Variants in P2RY8 observed in about 807,000 individuals in gnomAD.
P2RY8 encodes S-geranylgeranyl-glutathione receptor P2RY8.
In P2RY8, 6 loss-of-function variants were observed where a neutral mutation model predicts 10.0. That is an observed-to-expected ratio of 0.60 (90% CI 0.33 to 1.19). The LOEUF is 1.19. Among genes scored for constraint, P2RY8 ranks in the 50% most tolerant of loss-of-function variants. The probability of loss-of-function intolerance (pLI) is 0.04; values close to 1 mark genes in which losing one functional copy is unlikely to be tolerated. For missense variants in P2RY8, 456 were observed against 542.0 expected, an observed-to-expected ratio of 0.84 and a Z score of 1.58; for synonymous variants, 276 against 252.5, an observed-to-expected ratio of 1.09 and a Z score of -0.88.
At chrX:1,466,948 C>G (rs2091692090) in intron 1 of P2RY8, among the ~76,000 whole-genome samples, 1 of 134,626 alleles carries the variant, frequency 7.4e-6, no homozygotes, top group Admixed American at 7.6e-5. Flanking sequence ...AGACCTCGGC[C>G]CACGTCAGAG....
At chrX:1,488,857 G>C (rs759187670) in intron 1 of P2RY8, among the ~76,000 whole-genome samples, 1 of 152,136 alleles carries the variant, frequency 6.6e-6, no homozygotes, top group East Asian at 1.9e-4. Flanking sequence ...GAGAATGAAT[G>C]AATGACATCC....
At chrX:1,520,044 C>T (rs1366761711) in intron 1 of P2RY8, among the ~76,000 whole-genome samples, 35 of 151,300 alleles carry the variant, frequency 2.3e-4, no homozygotes, top group Non-Finnish European at 4.6e-4. Flanking sequence ...TCTCTGGTCC[C>T]CAATAATCTC....
chrX:1,503,161 G>A (rs1381516000), intron 1 of P2RY8, among the ~76,000 whole-genome samples: 6 of 151,718 alleles, frequency 4.0e-5, no homozygotes, highest in South Asian at 4.2e-4. Flanking sequence ...CTGGAATGAC[G>A]CGGCCACAAG....
chrX:1,499,510 T>G (rs73184979), intron 1 of P2RY8, among the ~76,000 whole-genome samples: 22 of 152,130 alleles, frequency 1.4e-4, no homozygotes, highest in African/African-American at 4.1e-4. Flanking sequence ...CCACACCTAC[T>G]GGTTATGTTC....
intron 1 of P2RY8, among the ~76,000 whole-genome samples, chrX:1,471,506 C>T (rs2091787164): frequency 6.7e-6 from 1 of 150,004 alleles, no homozygotes; most frequent in Non-Finnish European, 1.5e-5. Flanking sequence ...AAGCTTTCAT[C>T]ATGTTGGCCA....
intron 1 of P2RY8, among the ~76,000 whole-genome samples, chrX:1,475,619 T>C (rs2091865552): frequency 6.6e-6 from 1 of 151,048 alleles, no homozygotes; most frequent in Non-Finnish European, 1.5e-5. Context: ...AGCGTCATCA[T>C]ACCAAATAAA....
chrX:1,465,782 C>A lies in P2RY8; in HGVS notation c.777G>T (p.Ala259=). 1 of 1,613,500 alleles carries A rather than the reference C, an allele frequency of 6.2e-7. No individual in the cohort carries two copies. The highest frequency in any genetic ancestry group is 8.5e-7 in the Non-Finnish European group (1 of 1,179,842). ...CFAPNNFVLL[A]HIVSRLFYGK... ...CGTAGAACAGGCGGCTCACGATGTG[C>A]GCCAGGAGCACGAAGTTGTTGGGGG... The change falls in exon 2 of 2, where the codon GCG becomes GCT. Residue 259 remains alanine (A), a synonymous_variant. Transcript: ENST00000381297.
chrX:1,485,166 C>T (rs2149387148), intron 1 of P2RY8, among the ~76,000 whole-genome samples: 1 of 151,586 alleles, frequency 6.6e-6, no homozygotes, highest in South Asian at 2.1e-4. Flanking sequence ...AAGGTGGTTT[C>T]TCACTCGGTC....
chrX:1,497,378 C>A (rs2149395460), intron 1 of P2RY8, among the ~76,000 whole-genome samples: 1 of 149,812 alleles, frequency 6.7e-6, no homozygotes, highest in Non-Finnish European at 1.5e-5. Flanking sequence ...GGAGTGTAGG[C>A]CGGGCACGGT....
intron 1 of P2RY8, among the ~76,000 whole-genome samples, chrX:1,517,176 A>G (rs1447012789): frequency 6.6e-6 from 1 of 151,572 alleles, no homozygotes; most frequent in Admixed American, 6.6e-5. Context: ...TAAGCCACCC[A>G]GTCTATGGTA....
Position 1,465,196 on chromosome X carries a change from C to G in P2RY8, c.*283G>C. ...CGGGCGTGGTGACACAAGCTGTCCC[C>G]TGACACAGAGAGGCAGAGGCACCCT... On this transcript the variant is annotated 3_prime_UTR_variant, in exon 2 of 2. Coordinates refer to ENST00000381297, the MANE Select transcript of P2RY8 (RefSeq NM_178129.5). The G allele has an allele frequency of 2.0e-6, 1 of 511,564 alleles. No individual in the cohort carries two copies. Among genetic ancestry groups the G allele is most frequent in the Admixed American group, 3.7e-5 (1 of 26,902 alleles). The allele number at this position is 511,564 out of a possible 1,614,324, so 31.7% of individuals were successfully genotyped here.
intron 1 of P2RY8, among the ~76,000 whole-genome samples, chrX:1,502,575 C>T (rs1406873371): frequency 6.6e-6 from 1 of 152,172 alleles, no homozygotes; most frequent in Non-Finnish European, 1.5e-5. Context: ...AAACCCAGAT[C>T]GAGGGCCTCC....
chrX:1,514,959 G>A (rs867012084), intron 1 of P2RY8, among the ~76,000 whole-genome samples: 2 of 139,612 alleles, frequency 1.4e-5, no homozygotes, highest in Non-Finnish European at 3.1e-5. Flanking sequence ...GCTGAAGTGC[G>A]GTGACACTAC....
chrX:1,513,375 G>T (rs1191975622), intron 1 of P2RY8, among the ~76,000 whole-genome samples: 1 of 152,118 alleles, frequency 6.6e-6, no homozygotes, highest in Non-Finnish European at 1.5e-5. Flanking sequence ...TTTGGGTGGG[G>T]ATATAGTCAA....
At chrX:1,498,233 C>G (rs375055711) in intron 1 of P2RY8, among the ~76,000 whole-genome samples, 5 of 151,508 alleles carry the variant, frequency 3.3e-5, no homozygotes, top group African/African-American at 9.7e-5. Flanking sequence ...GCTGAAACCC[C>G]GTCTCTACTG....
Position 1,465,637 on chromosome X carries a change from A to G in P2RY8, c.922T>C (p.Leu308=), listed in dbSNP as rs142180569. 3.7e-6 allele frequency: 6 copies of G among 1,613,320 alleles called. No homozygotes were observed. The African/African-American group carries it at 8.0e-5, about 22-fold the overall frequency. ...REFQLRLREY[L]GCRRVPRDTL... The stretch of plus-strand genomic sequence containing the variant: ...TCTCTGGGCACCCGGCGGCAGCCCA[A>G]ATATTCCCGCAGGCGCAGCTGGAAT... The change falls in exon 2 of 2, where the codon TTG becomes CTG. Residue 308 remains leucine, a synonymous_variant. Transcript: ENST00000381297.
intron 1 of P2RY8, among the ~76,000 whole-genome samples, chrX:1,527,243 G>A (rs73186960): frequency 0.098 from 14,793 of 151,398 alleles, 800 homozygotes; most frequent in African/African-American, 0.12. Flanking sequence ...CTGTTCATCC[G>A]TCCATCTATT....
rs1450799939 is a variant in P2RY8 at position 1,482,555 on chromosome X, C to T, written c.-24-15973G>A. ...TCTAGACATGAAGTCCTTGCCCATG[C>T]CTATGTCCTGAATGGTAGTGCCTAG... is the stretch of plus-strand genomic sequence containing the variant. On this transcript the variant is annotated intron_variant, in intron 1 of 1. Coordinates refer to ENST00000381297, the MANE Select transcript of P2RY8 (RefSeq NM_178129.5). Among the ~76,000 whole-genome samples the T allele has an allele frequency of 2.6e-5, 4 of 152,064 alleles. No individual in the cohort carries two copies. In the South Asian group the frequency reaches 8.3e-4, roughly 32 times the overall value.
At chrX:1,493,455 AGGAG>A (rs2092085564) in intron 1 of P2RY8, among the ~76,000 whole-genome samples, 1 of 64,948 alleles carries the variant, frequency 1.5e-5, no homozygotes, top group African/African-American at 4.5e-5. Context: ...GGAAGGAGGA[AGGAG>A]GGAGGAGGGA....
Sources: gnomAD v4.1 joint callset for allele counts (sites outside exome capture counted in the v4.1 genomes callset) on GRCh38, gnomAD v4.1.1 for gene constraint, MANE v1.5 for transcripts, NCBI Gene and HGNC (gene_info 2026-07-23, HGNC 2026-07-21) for gene names.